The following DYM variants were observed in gnomAD, a reference collection of about 807,000 sequenced individuals.
DYM encodes the protein dymeclin, also known as dyggve-Melchior-Clausen syndrome protein.
DYM carries 78 observed loss-of-function variants against 93.1 expected under a neutral mutation model. The observed-to-expected ratio is 0.84, with a 90% CI of 0.70 to 1.01. The LOEUF (loss-of-function observed/expected upper bound fraction) is 1.01. Ranked by LOEUF, DYM falls within the 50% of genes least tolerant of loss-of-function variation. DYM has a pLI of 0.00. For synonymous variants in DYM, 321 were observed against 319.7 expected, an observed-to-expected ratio of 1.00 and a Z score of -0.04; for missense variants, 789 against 845.0, an observed-to-expected ratio of 0.93 and a Z score of 0.82.
chr18:49,317,599 C>T (rs1400078025), intron 8 of DYM, among the ~76,000 whole-genome samples: 2,225 of 21,550 alleles, frequency 0.1, 177 homozygotes, highest in African/African-American at 0.16. Flanking sequence ...CTCTCTCTCC[C>T]CCCTCCCCCC....
At chr18:49,376,363 A>G (rs2067509274) in intron 5 of DYM, among the ~76,000 whole-genome samples, 1 of 152,224 alleles carries the variant, frequency 6.6e-6, no homozygotes, top group Admixed American at 6.5e-5. Flanking sequence ...AATACACTCA[A>G]CCATATTTGT....
chr18:49,165,273 GTAT>G (rs2087724912), intron 14 of DYM, among the ~76,000 whole-genome samples: 1 of 152,042 alleles, frequency 6.6e-6, no homozygotes, highest in Non-Finnish European at 1.5e-5. Context: ...TCAGAGGTAT[GTAT>G]TATAATTATA....
At chr18:49,080,721 C>T (rs1450740459) in intron 17 of DYM, among the ~76,000 whole-genome samples, 2 of 146,964 alleles carry the variant, frequency 1.4e-5, no homozygotes, top group South Asian at 2.2e-4. Flanking sequence ...GGCTGCCGGG[C>T]AGAGGGGCTC....
chr18:49,228,021 A>G (rs990493852), intron 13 of DYM, among the ~76,000 whole-genome samples: 1 of 152,052 alleles, frequency 6.6e-6, no homozygotes, highest in African/African-American at 2.4e-5. Context: ...CTTCCTACCA[A>G]CATGCAACTT....
intron 17 of DYM, among the ~76,000 whole-genome samples, chr18:49,070,711 G>A (rs2076815180): frequency 6.6e-6 from 1 of 152,218 alleles, no homozygotes; most frequent in Admixed American, 6.5e-5. Flanking sequence ...GCAGAGTGCT[G>A]TGCAGGCAGG....
chr18:49,196,438 T>TACAC (rs35296321), intron 14 of DYM, among the ~76,000 whole-genome samples: 8,029 of 150,214 alleles, frequency 0.053, 246 homozygotes, highest in East Asian at 0.11. Context: ...GATCAGTGGT[T>TACAC]ACACACACAC....
Position 49,153,327 on chromosome 18 carries a change from CTATT to C in DYM, c.1728+10354_1728+10357del, listed in dbSNP as rs141340460. On this transcript the variant is annotated intron_variant, in intron 15 of 17. Transcript: ENST00000675505. Reference sequence around the variant, plus strand: ...ACCTAATCAATGTGGGGCTTGGAATCTATTTAAGTTCAAAGCAGTTGTGCTAGGG... The same window carrying C: ...ACCTAATCAATGTGGGGCTTGGAATCTAAGTTCAAAGCAGTTGTGCTAGGG... Among the ~76,000 whole-genome samples, 1,487 of 152,276 alleles carry C rather than the reference CTATT, an allele frequency of 9.8e-3. 39 individuals carry two copies. The highest frequency in any genetic ancestry group is 0.074 in the South Asian group (355 of 4,824).
At chr18:49,271,997 G>T in intron 11 of DYM, among the ~76,000 whole-genome samples, 181 bp downstream of exon 11, 1 of 85,696 alleles carries the variant, frequency 1.2e-5, no homozygotes, top group African/African-American at 4.1e-5. Context: ...GTGGTTAATA[G>T]TCATTCTGGA....
intron 14 of DYM, among the ~76,000 whole-genome samples, chr18:49,190,022 T>C (rs1307677384): frequency 2.6e-5 from 4 of 152,242 alleles, no homozygotes; most frequent in Admixed American, 6.5e-5. Flanking sequence ...ACTGTTTCAA[T>C]AGCTGCCTGC....
intron 2 of DYM, chr18:49,393,635 T>G (rs918374179): frequency 1.3e-5 from 2 of 152,072 alleles, no homozygotes; most frequent in African/African-American, 4.8e-5. Flanking sequence ...CCGGGTGTGG[T>G]GGTGCATGCC....
chr18:49,440,353 AGTATATGATATATAATATAG>A lies in DYM; in HGVS notation c.-53-9926_-53-9907del, dbSNP rs2081234948. ...TACTATTATATATGATATATAATATAGTATATGATATATAATATAGCATATTATATATGATATATAATATA... is the reference window on the plus strand; with the variant it reads ...TACTATTATATATGATATATAATATACATATTATATATGATATATAATATA... On this transcript the variant is annotated intron_variant, in intron 1 of 17. Transcript: ENST00000675505. Among the ~76,000 whole-genome samples the A allele has an allele frequency of 2.4e-5, 3 of 123,870 alleles. 1 individual carries two copies. Among genetic ancestry groups the A allele is most frequent in the Admixed American group, 1.8e-4 (2 of 10,978 alleles). The allele number at this position is 123,870 out of a possible 152,430, so 81.3% of individuals were successfully genotyped here.
Position 49,118,879 on chromosome 18 carries a change from C to T in DYM, c.1776G>A (p.Glu592=), listed in dbSNP as rs763711920. The part of the protein sequence containing the change: ...VIEEVIRMML[E]IINSCLTNSL... ...AATTTGTCAGGCAGGAGTTGATGAT[C>T]TCTAACATCATTCGAATCACTTCTT... The change falls in exon 16 of 18, where the codon GAG becomes GAA. Residue 592 remains glutamate (E), a synonymous_variant. Transcript: ENST00000675505. 3.7e-6 allele frequency: 6 copies of T among 1,614,052 alleles called. No individual in the cohort carries two copies. The highest frequency in any genetic ancestry group is 3.3e-4 in the Middle Eastern group (2 of 6,058).
At chr18:49,156,418 C>T (rs1467891573) in intron 15 of DYM, among the ~76,000 whole-genome samples, 1 of 150,458 alleles carries the variant, frequency 6.6e-6, no homozygotes, top group Non-Finnish European at 1.5e-5. Context: ...TCAAACCACG[C>T]CCCCCCCTCA....
intron 8 of DYM, among the ~76,000 whole-genome samples, chr18:49,321,832 T>C (rs1482254237): frequency 1.3e-5 from 2 of 152,104 alleles, no homozygotes; most frequent in African/African-American, 4.8e-5. Flanking sequence ...AATGAGAATA[T>C]AATTATTGTT....
intron 14 of DYM, among the ~76,000 whole-genome samples, chr18:49,185,551 G>A (rs1376276970): frequency 6.6e-6 from 1 of 152,134 alleles, no homozygotes; most frequent in East Asian, 1.9e-4. Context: ...ATAAAAGGCA[G>A]AAAGCTCACA....
chr18:49,044,198 G>T lies in DYM; in HGVS notation c.2032C>A (p.Pro678Thr). 2 of 1,614,106 alleles carry T rather than the reference G, an allele frequency of 1.2e-6. No homozygotes were observed. The highest frequency in any genetic ancestry group is 1.7e-6 in the Non-Finnish European group (2 of 1,180,016). ...TCCACATATTTGAATTTCAATTCTG[G>T]AAATTTCTGCAATGAAAATAAGATG... ...ALPKDRLKKF[P>T]ELKFKYVEEE... Residue 678 changes from proline (P) to threonine (T), a missense_variant, in exon 18 of 18, where the codon CCA becomes ACA. Coordinates refer to ENST00000675505, the MANE Select transcript of DYM (RefSeq NM_001353214.3).
chr18:49,126,307 C>T (rs1178342738), intron 15 of DYM: 7 of 152,114 alleles, frequency 4.6e-5, no homozygotes, highest in African/African-American at 1.7e-4. Flanking sequence ...ATTATGTACC[C>T]TGAGATTCTG....
At chr18:49,140,226 T>G (rs1483262559) in intron 15 of DYM, among the ~76,000 whole-genome samples, 1 of 152,122 alleles carries the variant, frequency 6.6e-6, no homozygotes, top group African/African-American at 2.4e-5. Context: ...ACAGTTGTCA[T>G]CCTTTGCCAC....
In DYM at chr18:49,225,317, G is replaced by A. The variant is rs183468210; in HGVS notation, c.1461-15602C>T. The stretch of plus-strand genomic sequence containing the variant: ...AATGTCAGGAAACTATACAACAGTG[G>A]TGCAAGCACAACCCTTGAATCATTT... On this transcript the variant is annotated intron_variant, in intron 13 of 17. Transcript: ENST00000675505. Among the ~76,000 whole-genome samples, 241 of 152,234 alleles carry A rather than the reference G, an allele frequency of 1.6e-3. 1 individual carries two copies. The highest frequency in any genetic ancestry group is 5.3e-3 in the African/African-American group (220 of 41,566).
Sources: allele counts gnomAD v4.1 joint callset (sites outside exome capture counted in the v4.1 genomes callset), GRCh38; gene constraint gnomAD v4.1.1; transcripts MANE v1.5; gene names NCBI Gene and HGNC (gene_info 2026-07-23, HGNC 2026-07-21).